OPHN1: variants seen among roughly 807,000 people sequenced by gnomAD.
OPHN1 encodes the protein oligophrenin-1.
In OPHN1, 11 loss-of-function variants were observed where a neutral mutation model predicts 60.7. That is an observed-to-expected ratio of 0.18 (90% CI 0.11 to 0.30). OPHN1 has a LOEUF of 0.30. OPHN1 is among the 10% of genes least tolerant of loss of function. The probability of loss-of-function intolerance (pLI) is 1.00; values close to 1 mark genes in which losing one functional copy is unlikely to be tolerated. For synonymous variants in OPHN1, 226 were observed against 222.6 expected, an observed-to-expected ratio of 1.02 and a Z score of -0.14; for missense variants, 449 against 611.0, an observed-to-expected ratio of 0.73 and a Z score of 2.80.
chrX:68,411,776 A>G (rs957520745), intron 2 of OPHN1, among the ~76,000 whole-genome samples: 6 of 111,922 alleles, frequency 5.4e-5, no homozygotes, highest in African/African-American at 1.9e-4. Flanking sequence ...TAGCCTAATT[A>G]GGTCCCATTT....
At chrX:68,152,151 T>C (rs1056938701) in intron 15 of OPHN1, among the ~76,000 whole-genome samples, 3 of 111,220 alleles carry the variant, frequency 2.7e-5, no homozygotes, top group African/African-American at 6.5e-5. Context: ...ACCTCCAACA[T>C]TGTAGATTAC....
At chrX:68,335,854 C>G (rs780071727) in intron 2 of OPHN1, among the ~76,000 whole-genome samples, 4 of 111,382 alleles carry the variant, frequency 3.6e-5, no homozygotes, top group South Asian at 3.8e-4. Context: ...CACTTGAACC[C>G]GAGAGGTGGA....
Position 68,194,483 on chromosome X carries a change from T to C in OPHN1, c.1120A>G (p.Ile374Val). The C allele has an allele frequency of 8.3e-7, 1 of 1,207,857 alleles. No individual in the cohort carries two copies. Among genetic ancestry groups the C allele is most frequent in the Non-Finnish European group, 1.1e-6 (1 of 892,148 alleles). Residue 374 changes from isoleucine to valine, a missense_variant, in exon 13 of 25, where the codon ATA (isoleucine) becomes GTA (valine). Ile to Val is a conservative substitution (Grantham distance 29). This residue lies in a region of OPHN1 where 166 missense variants were observed against 278.4 expected (regional missense o/e 0.60). Transcript: ENST00000355520. ...GACTCACTTTCTTGCTGTTTTGTTA[T>C]AGGGCTGTGGTAGATCTACAAAAGA... Reference protein sequence around the residue: ...DGKEPIYHSPITKQQEMELNE... With the variant: ...DGKEPIYHSPVTKQQEMELNE...
chrX:68,370,899 G>A (rs900454383), intron 2 of OPHN1, among the ~76,000 whole-genome samples: 7 of 110,883 alleles, frequency 6.3e-5, no homozygotes, highest in African/African-American at 1.6e-4. Flanking sequence ...GACTCAAAAC[G>A]GTCCACTACA....
intron 20 of OPHN1, chrX:68,070,520 C>T: frequency 1.5e-6 from 1 of 652,175 alleles, no homozygotes. Flanking sequence ...CAGAAAAGTA[C>T]TAAATATTGC....
intron 19 of OPHN1, among the ~76,000 whole-genome samples, chrX:68,095,761 G>A (rs1225665528): frequency 2.7e-5 from 3 of 110,892 alleles, no homozygotes; most frequent in Non-Finnish European, 5.7e-5. Flanking sequence ...TTTTCCCTAG[G>A]ATGGCACTAG....
At chrX:68,295,098 A>G (rs5964658) in intron 3 of OPHN1, among the ~76,000 whole-genome samples, 11,660 of 111,207 alleles carry the variant, frequency 0.1, 1,433 homozygotes, top group African/African-American at 0.36. Flanking sequence ...CCGCTATAGA[A>G]ATTCTGATTC....
intron 20 of OPHN1, among the ~76,000 whole-genome samples, chrX:68,067,484 G>A (rs1157132207): frequency 1.8e-5 from 2 of 109,385 alleles, no homozygotes; most frequent in African/African-American, 6.7e-5. Context: ...ATTTTGGGGG[G>A]CAGAGGGCTG....
intron 2 of OPHN1, among the ~76,000 whole-genome samples, chrX:68,317,375 GA>G (rs1424523470): frequency 8.0e-5 from 6 of 75,141 alleles, no homozygotes; most frequent in East Asian, 3.8e-4. Context: ...AAGAAAGAAA[GA>G]AAGGAAGGAA....
rs1343973034 is a variant in OPHN1, at chrX:68,119,352, A to G, written c.1277-20T>C. The G allele has an allele frequency of 1.8e-6, 2 of 1,098,384 alleles. No homozygotes were observed. The highest frequency in any genetic ancestry group is 4.4e-5 in the Admixed American group (2 of 45,780). 90.5% of individuals were successfully genotyped at this position (1,098,384 alleles called of 1,213,427 possible). ...TAGGATCTATTTGAGAAAAGTAAAC[A>G]AAAAACAAAAGTTAATCATCAAAAA... On this transcript the variant is annotated intron_variant, in intron 15 of 24. Transcript: ENST00000355520.
chrX:68,269,796 C>T (rs1372106717), intron 5 of OPHN1, among the ~76,000 whole-genome samples: 2 of 111,907 alleles, frequency 1.8e-5, no homozygotes, highest in Admixed American at 9.4e-5. Flanking sequence ...TCAGAGCGAA[C>T]AGGCAACCTA....
chrX:68,160,069 T>C (rs1169179250), intron 15 of OPHN1, among the ~76,000 whole-genome samples: 2 of 109,564 alleles, frequency 1.8e-5, no homozygotes, highest in Non-Finnish European at 3.8e-5. Context: ...TATAATTATG[T>C]TAAATGTAAA....
intron 15 of OPHN1, among the ~76,000 whole-genome samples, chrX:68,191,026 C>T (rs2077485828): frequency 8.9e-6 from 1 of 111,780 alleles, no homozygotes; most frequent in East Asian, 2.8e-4. Context: ...GTTGTCAGAC[C>T]TGCAGGCTTG....
At chrX:68,285,892 T>C (rs1314703757) in intron 3 of OPHN1, among the ~76,000 whole-genome samples, 2 of 111,248 alleles carry the variant, frequency 1.8e-5, no homozygotes, top group Non-Finnish European at 3.8e-5. Context: ...TATCTCTTTA[T>C]TGATATTGTC....
chrX:68,068,605 G>C (rs2076922237), intron 20 of OPHN1, among the ~76,000 whole-genome samples: 1 of 108,396 alleles, frequency 9.2e-6, no homozygotes, highest in African/African-American at 3.4e-5. Context: ...ATTAAAAACA[G>C]ACATCCACAC....
In OPHN1 at chrX:68,069,325, T is replaced by TA. The variant is rs200705574; in HGVS notation, c.1834+3826dup. 9.5e-3 allele frequency among the ~76,000 whole-genome samples: 1,058 copies of TA among 111,187 alleles called. 10 individuals carry two copies. The highest frequency in any genetic ancestry group is 0.032 in the African/African-American group (982 of 30,599). Reference sequence around the variant, plus strand: ...CACTGTGCCCATGCTTTGGATATAGTAAAAAAAACAAGTGGCCACTGGCAT... The same window carrying TA: ...CACTGTGCCCATGCTTTGGATATAGTAAAAAAAAACAAGTGGCCACTGGCAT... On this transcript the variant is annotated intron_variant, in intron 20 of 24. Coordinates refer to ENST00000355520, the MANE Select transcript of OPHN1 (RefSeq NM_002547.3).
chrX:68,149,302 G>A lies in OPHN1; in HGVS notation c.1277-29970C>T, dbSNP rs933737240. ...ACATCTTTGAGTGGAAGGCTCTAAT[G>A]AATATGAAGCAAACCAATTTATGAG... On this transcript the variant is annotated intron_variant, in intron 15 of 24. Transcript: ENST00000355520. Among the ~76,000 whole-genome samples, 100 of 111,511 alleles carry A rather than the reference G, an allele frequency of 9.0e-4. 1 individual carries two copies. Among genetic ancestry groups the A allele is most frequent in the African/African-American group, 3.2e-3 (98 of 30,668 alleles).
chrX:68,071,785 G>T, intron 20 of OPHN1: 2 of 434,192 alleles, frequency 4.6e-6, no homozygotes, highest in Non-Finnish European at 8.2e-6. Flanking sequence ...ATGGAGAGAG[G>T]TCGATGATTC....
chrX:68,119,674 C>A (rs1016063432), intron 15 of OPHN1, among the ~76,000 whole-genome samples: 1 of 111,448 alleles, frequency 9.0e-6, no homozygotes, highest in African/African-American at 3.3e-5. Context: ...AACAGAAGGC[C>A]AGGAGTAGAA....
Sources: allele counts gnomAD v4.1 joint callset (sites outside exome capture counted in the v4.1 genomes callset), GRCh38; gene constraint gnomAD v4.1.1; regional missense constraint gnomAD v4.1.1; transcripts MANE v1.5; gene names NCBI Gene and HGNC (gene_info 2026-07-23, HGNC 2026-07-21).